Variants in OSBP2 observed in about 807,000 individuals in gnomAD.
OSBP2 encodes the protein oxysterol-binding protein 2.
OSBP2 carries 66 observed loss-of-function variants against 96.0 expected under a neutral mutation model. That is an observed-to-expected ratio of 0.69 (90% confidence interval 0.56 to 0.84). The LOEUF is 0.84. Ranked by LOEUF, OSBP2 falls within the 40% of genes least tolerant of loss-of-function variation. The probability of loss-of-function intolerance (pLI) is 0.00; values close to 1 mark genes in which losing one functional copy is unlikely to be tolerated. For missense variants in OSBP2, 1,038 were observed against 1,222.7 expected, an observed-to-expected ratio of 0.85 and a Z score of 2.25; for synonymous variants, 525 against 520.9, an observed-to-expected ratio of 1.01 and a Z score of -0.11.
chr22:30,733,885 G>A (rs2089815562), intron 1 of OSBP2, among the ~76,000 whole-genome samples: 1 of 152,146 alleles, frequency 6.6e-6, no homozygotes, highest in South Asian at 2.1e-4. Context: ...AAATTGTACT[G>A]CAGATGTTTA....
At chr22:30,694,364 G>C (rs985733913), upstream of OSBP2, 10 of 1,525,546 alleles carry the variant, frequency 6.6e-6, no homozygotes, top group Non-Finnish European at 8.8e-6. Flanking sequence ...GCCATGGGGG[G>C]CGGGGCGTCG....
At position 30,694,888 on chromosome 22, in the gene OSBP2, C is replaced by G; in HGVS notation, c.-22C>G. On this transcript the variant is annotated 5_prime_UTR_variant, in exon 1 of 14. Coordinates refer to ENST00000332585, the MANE Select transcript of OSBP2 (RefSeq NM_030758.4). Reference sequence around the variant, plus strand: ...CCCCCGCCCCCACTGGCCGCTCGGCCGCGCGCGGGTCGGCCGGCTCTATGG... The same window carrying G: ...CCCCCGCCCCCACTGGCCGCTCGGCGGCGCGCGGGTCGGCCGGCTCTATGG... 1 of 1,209,562 alleles carries G rather than the reference C, an allele frequency of 8.3e-7. No individual in the cohort carries two copies. The highest frequency in any genetic ancestry group is 1.1e-6 in the Non-Finnish European group (1 of 946,418). 74.9% of individuals were successfully genotyped at this position (1,209,562 alleles called of 1,614,324 possible). A position where few individuals can be genotyped will look rare whatever the true frequency, so the allele number is the denominator to read the frequency against.
intron 2 of OSBP2, among the ~76,000 whole-genome samples, chr22:30,769,129 C>G (rs888446485): frequency 6.6e-5 from 10 of 152,136 alleles, no homozygotes; most frequent in Non-Finnish European, 1.2e-4. Context: ...CTGAGGGGGC[C>G]CCTCGGTCAG....
At chr22:30,889,723 A>T in intron 7 of OSBP2, 87 bp downstream of exon 7, 3 of 1,244,880 alleles carry the variant, frequency 2.4e-6, no homozygotes, top group African/African-American at 1.5e-5. Context: ...TGTGTGAAGT[A>T]CACACAGCCT....
chr22:30,882,847 G>A (rs1372737915), intron 3 of OSBP2, among the ~76,000 whole-genome samples: 1 of 152,190 alleles, frequency 6.6e-6, no homozygotes, highest in East Asian at 1.9e-4. Context: ...AACAGCAAAG[G>A]TAGGAGGTAG....
chr22:30,778,120 A>AAGT (rs1164207257), intron 2 of OSBP2, among the ~76,000 whole-genome samples: 2 of 148,020 alleles, frequency 1.4e-5, no homozygotes, highest in East Asian at 4.0e-4. Context: ...TCAACCTCCC[A>AAGT]AGTAGCTGGG....
chr22:30,902,715 T>C, intron 12 of OSBP2: 1 of 495,500 alleles, frequency 2.0e-6, no homozygotes, highest in Non-Finnish European at 3.9e-6. Context: ...AAGTAGCCGA[T>C]CCCAACTCTG....
rs193118804 is a variant in OSBP2 at position 30,764,846 on chromosome 22, T to G, written c.853+23477T>G. Among the ~76,000 whole-genome samples the G allele has an allele frequency of 3.3e-5, 5 of 152,222 alleles. No homozygotes were observed. In the East Asian group the frequency reaches 9.7e-4, roughly 29 times the overall value. On this transcript the variant is annotated intron_variant, in intron 2 of 13. Transcript: ENST00000332585. The stretch of plus-strand genomic sequence containing the variant: ...GGCCAGACAGTATAAAGAACTCTCT[T>G]ATGAACTCACTTGAGTGAAAATTTG...
chr22:30,719,315 C>T (rs1208265457), intron 1 of OSBP2, among the ~76,000 whole-genome samples: 1 of 152,022 alleles, frequency 6.6e-6, no homozygotes. Flanking sequence ...CCCAGAAGTC[C>T]CAGCCCACAG....
chr22:30,701,627 G>A (rs111477046), intron 1 of OSBP2, among the ~76,000 whole-genome samples: 3 of 152,130 alleles, frequency 2.0e-5, no homozygotes, highest in African/African-American at 7.2e-5. Flanking sequence ...ACAGGCGTGA[G>A]CCACCACGCC....
intron 2 of OSBP2, among the ~76,000 whole-genome samples, chr22:30,798,156 T>C (rs2090792074): frequency 6.6e-6 from 1 of 152,202 alleles, no homozygotes; most frequent in Non-Finnish European, 1.5e-5. Context: ...CTCATTGTGC[T>C]TTTGATTTGC....
intron 2 of OSBP2, among the ~76,000 whole-genome samples, chr22:30,782,086 C>T (rs1209063726): frequency 3.3e-5 from 5 of 152,154 alleles, no homozygotes; most frequent in Non-Finnish European, 2.9e-5. Context: ...GTGGAGGTTG[C>T]AGTGAGCCGA....
Position 30,747,745 on chromosome 22 carries a change from A to G in OSBP2, c.853+6376A>G, listed in dbSNP as rs990833595. Among the ~76,000 whole-genome samples, 7 of 152,126 alleles carry G rather than the reference A, an allele frequency of 4.6e-5. No homozygotes were observed. The East Asian group carries it at 1.3e-3, about 29-fold the overall frequency. ...ACTTCCTGGTCTCTCTGCCTAGAAC[A>G]CATCTGACTGGTGTCCCATCTTCGG... On this transcript the variant is annotated intron_variant, in intron 2 of 13. Coordinates refer to ENST00000332585, the MANE Select transcript of OSBP2 (RefSeq NM_030758.4).
chr22:30,802,524 T>C (rs1297486690), intron 2 of OSBP2, among the ~76,000 whole-genome samples: 14 of 152,218 alleles, frequency 9.2e-5, no homozygotes, highest in African/African-American at 2.7e-4. Context: ...CCAGCCTCGA[T>C]TGGGGCGCGA....
At chr22:30,864,600 G>A (rs2039291292) in intron 2 of OSBP2, among the ~76,000 whole-genome samples, 1 of 152,000 alleles carries the variant, frequency 6.6e-6, no homozygotes, top group African/African-American at 2.4e-5. Flanking sequence ...GTCCTTCCCC[G>A]CCCAGGACCC....
At chr22:30,874,392 C>G (rs537487168) in intron 3 of OSBP2, among the ~76,000 whole-genome samples, 3 of 151,872 alleles carry the variant, frequency 2.0e-5, no homozygotes, top group African/African-American at 7.3e-5. Context: ...AGCCTGGCAA[C>G]AGAGTGAGAC....
At chr22:30,803,176 G>A (rs2090878841) in intron 2 of OSBP2, 1 of 162,050 alleles carries the variant, frequency 6.2e-6, no homozygotes, top group African/African-American at 2.4e-5. Flanking sequence ...CCCCTCCCTG[G>A]GGTGAGTCAG....
At chr22:30,873,699 G>A (rs747577072) in intron 3 of OSBP2, among the ~76,000 whole-genome samples, 3 of 152,150 alleles carry the variant, frequency 2.0e-5, no homozygotes, top group Admixed American at 6.5e-5. Context: ...CTGGCTCCTC[G>A]GACAGGGCAG....
At chr22:30,874,418 A>G (rs1363601506) in intron 3 of OSBP2, among the ~76,000 whole-genome samples, 2 of 152,134 alleles carry the variant, frequency 1.3e-5, no homozygotes, top group African/African-American at 2.4e-5. Context: ...CTCAAAAAAA[A>G]AGAAAAAAGA....
Sources: allele counts gnomAD v4.1 joint callset (sites outside exome capture counted in the v4.1 genomes callset), GRCh38; gene constraint gnomAD v4.1.1; transcripts MANE v1.5; gene names NCBI Gene and HGNC (gene_info 2026-07-23, HGNC 2026-07-21).